The following WBP11 variants were observed in gnomAD, a reference collection of about 807,000 sequenced individuals.
WBP11 encodes WW domain-binding protein 11.
WBP11 carries 12 observed loss-of-function variants against 66.7 expected under a neutral mutation model. That is an observed-to-expected ratio of 0.18 (90% CI 0.12 to 0.29). The LOEUF is 0.29. Ranked by LOEUF, WBP11 falls within the 10% of genes least tolerant of loss-of-function variation. The probability of loss-of-function intolerance (pLI) is 1.00; values close to 1 mark genes in which losing one functional copy is unlikely to be tolerated. For synonymous variants in WBP11, 255 were observed against 273.8 expected (o/e 0.93, Z 0.68); for missense variants, 555 against 818.3 (o/e 0.68, Z 3.93).
intron 4 of WBP11, among the ~76,000 whole-genome samples, chr12:14,797,398 A>C (rs954337203): frequency 6.6e-6 from 1 of 152,232 alleles, no homozygotes; most frequent in East Asian, 1.9e-4. Flanking sequence ...TAAAAAATGG[A>C]GACGTTAATC....
rs574738804 is a variant in WBP11 at position 14,795,402 on chromosome 12, T to A, written c.388-298A>T. Among the ~76,000 whole-genome samples, 33 of 152,282 alleles carry A rather than the reference T, an allele frequency of 2.2e-4. No individual in the cohort carries two copies. The South Asian group carries it at 6.8e-3, about 32-fold the overall frequency. On this transcript the variant is annotated intron_variant, in intron 5 of 11. Coordinates refer to ENST00000261167, the MANE Select transcript of WBP11 (RefSeq NM_016312.3). ...GAGAAAGCCAACTGTTACAAGTATC[T>A]AGCACCAGAACTACCCTATTTAACA...
rs970689146 is a variant in WBP11, at chr12:14,791,601, A to G, written c.914-331T>C. On this transcript the variant is annotated intron_variant, in intron 8 of 11. Coordinates refer to ENST00000261167, the MANE Select transcript of WBP11 (RefSeq NM_016312.3). Reference sequence around the variant, plus strand: ...AGAAATCTGATAAAGAGCATAGGAAAAGATGAAATGTTACCCAACTCATGA... The same window carrying G: ...AGAAATCTGATAAAGAGCATAGGAAGAGATGAAATGTTACCCAACTCATGA... 2.6e-5 allele frequency among the ~76,000 whole-genome samples: 4 copies of G among 152,252 alleles called. No homozygotes were observed. The East Asian group carries it at 7.7e-4, about 29-fold the overall frequency.
rs1949996818 is a variant in WBP11, at chr12:14,803,417, G to A, written c.-111C>T. 1 of 398,782 alleles carries A rather than the reference G, an allele frequency of 2.5e-6. No individual in the cohort carries two copies. Among genetic ancestry groups the A allele is most frequent in the South Asian group, 1.3e-4 (1 of 7,866 alleles). 24.7% of individuals were successfully genotyped at this position (398,782 alleles called of 1,614,324 possible). A position where few individuals can be genotyped will look rare whatever the true frequency, so the allele number is the denominator to read the frequency against. On this transcript the variant is annotated 5_prime_UTR_variant, in exon 1 of 12. The change creates a new upstream start codon in the 5' untranslated region. Transcript: ENST00000261167. ...GGCGACTCCCGGCCTCTTTCACTTC[G>A]TAAAGGCCTTCAACTGGGTCTCTCG...
chr12:14,793,698 G>T, intron 8 of WBP11, 33 bp downstream of exon 8: 2 of 1,599,924 alleles, frequency 1.3e-6, no homozygotes. Flanking sequence ...TCTCTTTATT[G>T]ATCAATACCA....
intron 8 of WBP11, among the ~76,000 whole-genome samples, chr12:14,793,066 G>C (rs1292684731): frequency 6.6e-6 from 1 of 151,978 alleles, no homozygotes; most frequent in East Asian, 1.9e-4. Flanking sequence ...CACAGCAGGA[G>C]AAAAATTTGT....
Position 14,803,335 on chromosome 12 carries a change from C to A in WBP11, c.-46+17G>T. ...AAAGAGGTGAGGAAGAGTAGTAAAT[C>A]AATTCAATACACTCACACTTCTGCT... On this transcript the variant is annotated intron_variant, in intron 1 of 11. Transcript: ENST00000261167. 5.0e-6 allele frequency: 2 copies of A among 398,454 alleles called. No homozygotes were observed. The highest frequency in any genetic ancestry group is 1.3e-4 in the South Asian group (1 of 7,796). 24.7% of individuals were successfully genotyped at this position (398,454 alleles called of 1,614,324 possible).
At position 14,785,795 on chromosome 12, in the gene WBP11, G is replaced by A. The variant is rs908761061; in HGVS notation, c.*1270C>T. ...TATGCCTAAACAATGCACGCACTGT[G>A]TGTATGTGTTTATGAAATACACACT... On this transcript the variant is annotated 3_prime_UTR_variant, in exon 12 of 12. Coordinates refer to ENST00000261167, the MANE Select transcript of WBP11 (RefSeq NM_016312.3). 1.3e-5 allele frequency: 2 copies of A among 152,174 alleles called. No individual in the cohort carries two copies. Among genetic ancestry groups the A allele is most frequent in the African/African-American group, 4.8e-5 (2 of 41,446 alleles). The allele number at this position is 152,174 out of a possible 1,614,324, so 9.4% of individuals were successfully genotyped here. A position where few individuals can be genotyped will look rare whatever the true frequency, so the allele number is the denominator to read the frequency against.
chr12:14,799,039 T>C (rs910899180), intron 4 of WBP11, among the ~76,000 whole-genome samples: 1 of 152,192 alleles, frequency 6.6e-6, no homozygotes, highest in Admixed American at 6.5e-5. Flanking sequence ...ATGCAGCTAT[T>C]TCATGTGATT....
Position 14,787,444 on chromosome 12 carries a change from C to G in WBP11, c.1547G>C (p.Gly516Ala). The change falls in exon 12 of 12, where the codon GGA becomes GCA. Residue 516 changes from glycine (G) to alanine (A), a missense_variant. Gly to Ala is a moderately conservative substitution (Grantham distance 60, BLOSUM62 0). Around this residue, in one of 6 missense-constraint regions of WBP11, gnomAD observed 230 missense variants for 286.3 expected, o/e 0.80. Transcript: ENST00000261167. ...MMRPPLVPPL[G>A]PAPPGLFPPA... ...TGGGAACAGCCCAGGGGGGGCAGGT[C>G]CAAGGGGAGGCACCAAAGGTGGGCG... 1 of 1,534,980 alleles carries G rather than the reference C, an allele frequency of 6.5e-7. No homozygotes were observed. Among genetic ancestry groups the G allele is most frequent in the Non-Finnish European group, 8.8e-7 (1 of 1,140,040 alleles).
chr12:14,793,691 C>G (rs1228251573), intron 8 of WBP11, 40 bp downstream of exon 8: 1 of 1,587,860 alleles, frequency 6.3e-7, no homozygotes, highest in African/African-American at 1.4e-5. Context: ...CTTGTTTTCT[C>G]TTTATTGATC....
intron 1 of WBP11, chr12:14,802,173 T>C (rs1949972374): frequency 6.6e-6 from 1 of 152,222 alleles, no homozygotes; most frequent in South Asian, 2.1e-4. Context: ...TATTTTTGTT[T>C]GAGGAAAAAA....
chr12:14,793,459 T>A (rs1949847156), intron 8 of WBP11, among the ~76,000 whole-genome samples: 1 of 152,190 alleles, frequency 6.6e-6, no homozygotes, highest in Non-Finnish European at 1.5e-5. Flanking sequence ...CATAATACGT[T>A]TATGCTGTTG....
In WBP11 at chr12:14,790,703, C is replaced by T; in HGVS notation, c.1062G>A (p.Glu354=). 2 of 1,614,208 alleles carry T rather than the reference C, an allele frequency of 1.2e-6. No homozygotes were observed. The highest frequency in any genetic ancestry group is 1.7e-6 in the Non-Finnish European group (2 of 1,180,042). Residue 354 remains glutamate (E), a synonymous_variant, in exon 10 of 12, where the codon GAG becomes GAA. Transcript: ENST00000261167. The part of the protein sequence containing the change: ...EEGREVEEFS[E]DDDEDDSDDS... ...CATCAGAATCATCTTCATCATCGTCCTCTGAAAATTCCTCTACTTCCCGTC... is the reference window on the plus strand; with the variant it reads ...CATCAGAATCATCTTCATCATCGTCTTCTGAAAATTCCTCTACTTCCCGTC...
chr12:14,801,282 C>T (rs1389920899), intron 2 of WBP11, 38 bp downstream of exon 2: 2 of 1,602,910 alleles, frequency 1.2e-6, no homozygotes, highest in East Asian at 2.2e-5. Flanking sequence ...ATTTTTAACA[C>T]TCTCCTACTT....
At position 14,789,025 on chromosome 12, in the gene WBP11, C is replaced by A; in HGVS notation, c.1418G>T (p.Gly473Val). 1 of 1,500,828 alleles carries A rather than the reference C, an allele frequency of 6.7e-7. No individual in the cohort carries two copies. Among genetic ancestry groups the A allele is most frequent in the Non-Finnish European group, 8.8e-7 (1 of 1,138,222 alleles). The allele number at this position is 1,500,828 out of a possible 1,614,324, so 93.0% of individuals were successfully genotyped here. A position where few individuals can be genotyped will look rare whatever the true frequency, so the allele number is the denominator to read the frequency against. The stretch of plus-strand genomic sequence containing the variant: ...ACCAGGAGGCAGACCTGGAGGTGGA[C>A]CTGGGGGAGGGCCAGGGGGTCGGCC... ...PPGRPPGPPP[G>V]PPPGLPPGPP... Residue 473 changes from glycine (G) to valine (V), a missense_variant, in exon 11 of 12, where the codon GGT becomes GTT. This residue lies in a region of WBP11 where 230 missense variants were observed against 286.3 expected (regional missense o/e 0.80). Coordinates refer to ENST00000261167, the MANE Select transcript of WBP11 (RefSeq NM_016312.3).
intron 2 of WBP11, chr12:14,801,042 C>T (rs1018070412): frequency 2.2e-6 from 1 of 459,424 alleles, no homozygotes; most frequent in Non-Finnish European, 3.8e-6. Context: ...AAACGCGAAA[C>T]AAGGGCTCGC....
intron 4 of WBP11, among the ~76,000 whole-genome samples, chr12:14,798,682 A>AT (rs528424604): frequency 7.7e-4 from 116 of 149,994 alleles, no homozygotes; most frequent in African/African-American, 2.3e-3. Flanking sequence ...CCATGACTGA[A>AT]TTTTTTTTTT....
At chr12:14,800,356 CAT>C (rs1421442313) in intron 3 of WBP11, among the ~76,000 whole-genome samples, 5 of 151,686 alleles carry the variant, frequency 3.3e-5, no homozygotes, top group African/African-American at 9.7e-5. Context: ...TATAAACCTA[CAT>C]ATATATATTT....
rs562560524 is a variant in WBP11, at chr12:14,785,903, T to C, written c.*1162A>G. ...ATGGGGAAAATACCCAGAAAAGTTATCTATAGGGTTAATTGGTAGATGAGT... is the reference window on the plus strand; with the variant it reads ...ATGGGGAAAATACCCAGAAAAGTTACCTATAGGGTTAATTGGTAGATGAGT... On this transcript the variant is annotated 3_prime_UTR_variant, in exon 12 of 12. Transcript: ENST00000261167. 6.6e-6 allele frequency: 1 copy of C among 152,268 alleles called. No individual in the cohort carries two copies. Among genetic ancestry groups the C allele is most frequent in the African/African-American group, 2.4e-5 (1 of 41,542 alleles). 9.4% of individuals were successfully genotyped at this position (152,268 alleles called of 1,614,324 possible). A position where few individuals can be genotyped will look rare whatever the true frequency, so the allele number is the denominator to read the frequency against.
Sources: allele counts gnomAD v4.1 joint callset (sites outside exome capture counted in the v4.1 genomes callset), GRCh38; gene constraint gnomAD v4.1.1; regional missense constraint gnomAD v4.1.1; transcripts MANE v1.5; gene names NCBI Gene and HGNC (gene_info 2026-07-23, HGNC 2026-07-21).